The following VAMP2 variants were observed in gnomAD, a reference collection of about 807,000 sequenced individuals.
VAMP2 encodes vesicle associated membrane protein 2.
For missense variants in VAMP2, 95 were observed against 151.3 expected, an observed-to-expected ratio of 0.63 and a Z score of 1.95; for synonymous variants, 67 against 57.3, an observed-to-expected ratio of 1.17 and a Z score of -0.76.
chr17:8,160,671 C>T lies in VAMP2; in HGVS notation c.*184G>A, dbSNP rs1983280678. On this transcript the variant is annotated 3_prime_UTR_variant, in exon 5 of 5. Coordinates refer to ENST00000316509, the MANE Select transcript of VAMP2 (RefSeq NM_014232.3). ...ATCTAGTAATAAAACTACAAACAGA[C>T]CAAATATATATAATATTATATATGT... is the stretch of plus-strand genomic sequence containing the variant. The T allele has an allele frequency of 5.2e-6, 2 of 386,570 alleles. No individual in the cohort carries two copies. The highest frequency in any genetic ancestry group is 8.7e-6 in the Non-Finnish European group (2 of 230,640). 23.9% of individuals were successfully genotyped at this position (386,570 alleles called of 1,614,324 possible).
At chr17:8,161,570 A>C in intron 3 of VAMP2, 38 bp downstream of exon 3, 1 of 1,613,906 alleles carries the variant, frequency 6.2e-7, no homozygotes, top group South Asian at 1.1e-5. Flanking sequence ...ATGATACCCC[A>C]TTCACCCACC....
intron 4 of VAMP2, 170 bp from the exon 5 acceptor site, chr17:8,161,041 G>T (rs1260392749): frequency 1.7e-5 from 10 of 594,902 alleles, no homozygotes; most frequent in Admixed American, 5.9e-5. Context: ...GGCTAGACAG[G>T]TAGGTTCTGA....
At chr17:8,162,809 G>A in intron 1 of VAMP2, 69 bp downstream of exon 1, 1 of 1,215,786 alleles carries the variant, frequency 8.2e-7, no homozygotes, top group African/African-American at 1.6e-5. Context: ...GGGCACTCCC[G>A]ACGGCCGGTT....
chr17:8,162,928 C>T lies in VAMP2; in HGVS notation c.-49G>A, dbSNP rs944232506. 5.0e-6 allele frequency: 6 copies of T among 1,204,482 alleles called. No individual in the cohort carries two copies. Among genetic ancestry groups the T allele is most frequent in the African/African-American group, 1.6e-5 (1 of 63,168 alleles). 74.6% of individuals were successfully genotyped at this position (1,204,482 alleles called of 1,614,324 possible). A position where few individuals can be genotyped will look rare whatever the true frequency, so the allele number is the denominator to read the frequency against. On this transcript the variant is annotated 5_prime_UTR_variant, in exon 1 of 5. Coordinates refer to ENST00000316509, the MANE Select transcript of VAMP2 (RefSeq NM_014232.3). ...TTGGCAGCGGCAGTGATGGCGGCGG[C>T]GGCTCGCGCTGGCTCCGACTGGCGC...
chr17:8,162,724 G>C (rs1983355651), intron 1 of VAMP2, 154 bp downstream of exon 1: 12 of 1,293,384 alleles, frequency 9.3e-6, no homozygotes, highest in Non-Finnish European at 1.2e-5. Flanking sequence ...CCGGGACGCG[G>C]GGCTCCTCGG....
intron 2 of VAMP2, 121 bp downstream of exon 2, chr17:8,162,128 T>G: frequency 7.0e-7 from 1 of 1,422,448 alleles, no homozygotes; most frequent in Non-Finnish European, 9.3e-7. Flanking sequence ...TGGGGCATGG[T>G]ATCTTTGTCC....
chr17:8,162,126 G>A, intron 2 of VAMP2, 123 bp downstream of exon 2: 4 of 1,412,572 alleles, frequency 2.8e-6, no homozygotes, highest in Non-Finnish European at 1.9e-6. Flanking sequence ...GATGGGGCAT[G>A]GTATCTTTGT....
Position 8,159,396 on chromosome 17 carries a change from G to A in VAMP2, c.*1459C>T, listed in dbSNP as rs945113604. Reference sequence around the variant, plus strand: ...GTTTGGGGGCCCCCTCCCGTGGCAGGTTAAGGGACTGTACCCTCAAACCCT... The same window carrying A: ...GTTTGGGGGCCCCCTCCCGTGGCAGATTAAGGGACTGTACCCTCAAACCCT... On this transcript the variant is annotated 3_prime_UTR_variant, in exon 5 of 5. Transcript: ENST00000316509. The A allele has an allele frequency of 5.2e-5, 8 of 152,568 alleles. No individual in the cohort carries two copies. Among genetic ancestry groups the A allele is most frequent in the African/African-American group, 1.4e-4 (6 of 41,418 alleles). 9.5% of individuals were successfully genotyped at this position (152,568 alleles called of 1,614,324 possible). A position where few individuals can be genotyped will look rare whatever the true frequency, so the allele number is the denominator to read the frequency against.
intron 4 of VAMP2, chr17:8,161,188 ACTC>A (rs910667303): frequency 8.8e-6 from 5 of 565,952 alleles, no homozygotes; most frequent in African/African-American, 7.5e-5. Context: ...CCTTTCTCCC[ACTC>A]CTCAATTCCA....
At chr17:8,162,557 C>A (rs1983349784) in intron 1 of VAMP2, 188 bp from the exon 2 acceptor site, 1 of 1,467,324 alleles carries the variant, frequency 6.8e-7, no homozygotes, top group Non-Finnish European at 9.0e-7. Context: ...AGCGAGGCCC[C>A]CCCGGCCTCA....
At position 8,160,630 on chromosome 17, in the gene VAMP2, G is replaced by T. The variant is rs182611809; in HGVS notation, c.*225C>A. On this transcript the variant is annotated 3_prime_UTR_variant, in exon 5 of 5. Coordinates refer to ENST00000316509, the MANE Select transcript of VAMP2 (RefSeq NM_014232.3). ...GGGAACCTCAGGAAGGGGTGTTAAG[G>T]ACAACCGGAAAAATCATCTAGTAAT... is the stretch of plus-strand genomic sequence containing the variant. The T allele has an allele frequency of 4.2e-5, 13 of 306,698 alleles. No individual in the cohort carries two copies. The highest frequency in any genetic ancestry group is 6.4e-5 in the Non-Finnish European group (11 of 171,740). 19.0% of individuals were successfully genotyped at this position (306,698 alleles called of 1,614,324 possible).
chr17:8,162,850 C>A, intron 1 of VAMP2, 28 bp downstream of exon 1: 1 of 1,213,794 alleles, frequency 8.2e-7, no homozygotes, highest in South Asian at 4.1e-5. Flanking sequence ...CAGGGAAGCG[C>A]GGTGAGGGTG....
chr17:8,162,704 G>A (rs1983354707), intron 1 of VAMP2, 174 bp downstream of exon 1: 10 of 1,317,854 alleles, frequency 7.6e-6, no homozygotes, highest in Middle Eastern at 2.8e-4. Context: ...CATCGCCCGA[G>A]CCGGCCAGCC....
chr17:8,161,289 A>T lies in VAMP2; in HGVS notation c.334+184T>A, dbSNP rs1257719938. 3 of 877,176 alleles carry T rather than the reference A, an allele frequency of 3.4e-6. No individual in the cohort carries two copies. In the African/African-American group the frequency reaches 5.1e-5, roughly 15 times the overall value. The allele number at this position is 877,176 out of a possible 1,614,324, so 54.3% of individuals were successfully genotyped here. Reference sequence around the variant, plus strand: ...TCCAAATGTTAACAAGACTGCCAAGAACTAGGCAAAATGCAGGCTAAATAA... The same window carrying T: ...TCCAAATGTTAACAAGACTGCCAAGTACTAGGCAAAATGCAGGCTAAATAA... On this transcript the variant is annotated intron_variant, in intron 4 of 4. Coordinates refer to ENST00000316509, the MANE Select transcript of VAMP2 (RefSeq NM_014232.3).
intron 1 of VAMP2, 84 bp downstream of exon 1, chr17:8,162,794 A>G: frequency 1.8e-5 from 22 of 1,217,534 alleles, no homozygotes; most frequent in Non-Finnish European, 2.2e-5. Flanking sequence ...CGCAGGAGAG[A>G]CCCCGGGCAC....
intron 1 of VAMP2, 71 bp downstream of exon 1, chr17:8,162,807 C>A (rs1053631594): frequency 3.2e-5 from 39 of 1,215,978 alleles, no homozygotes; most frequent in Non-Finnish European, 3.9e-5. Context: ...CCGGGCACTC[C>A]CGACGGCCGG....
chr17:8,161,363 T>C (rs1435806572), intron 4 of VAMP2, 110 bp downstream of exon 4: 5 of 1,430,760 alleles, frequency 3.5e-6, no homozygotes, highest in African/African-American at 1.4e-5. Context: ...TTAGCAGCTA[T>C]ATGTGTTTTT....
At chr17:8,162,106 G>C (rs1408192838) in intron 2 of VAMP2, 143 bp downstream of exon 2, 1 of 1,355,746 alleles carries the variant, frequency 7.4e-7, no homozygotes, top group Non-Finnish European at 9.9e-7. Flanking sequence ...CGTGCTGACA[G>C]GGAGACAGGG....
rs71159553 is a variant in VAMP2, at chr17:8,160,380, GTTTTTTTTTTTTTT to G, written c.*461_*474del. 2.8e-5 allele frequency: 1 copy of G among 35,108 alleles called. No homozygotes were observed. The highest frequency in any genetic ancestry group is 1.2e-4 in the African/African-American group (1 of 8,576). The allele number at this position is 35,108 out of a possible 1,614,324, so 2.2% of individuals were successfully genotyped here. On this transcript the variant is annotated 3_prime_UTR_variant, in exon 5 of 5. Coordinates refer to ENST00000316509, the MANE Select transcript of VAMP2 (RefSeq NM_014232.3). ...TAAGGAAGCCTGGACAGGTGCTGTTGTTTTTTTTTTTTTTTTTTTTTTTTTGAGGGCGGGGCAGA... is the reference window on the plus strand; with the variant it reads ...TAAGGAAGCCTGGACAGGTGCTGTTGTTTTTTTTTTTGAGGGCGGGGCAGA...
Sources: allele counts gnomAD v4.1 joint callset, GRCh38; gene constraint gnomAD v4.1.1; transcripts MANE v1.5; gene names NCBI Gene and HGNC (gene_info 2026-07-23, HGNC 2026-07-21).